WRAP73: variants seen among roughly 807,000 people sequenced by gnomAD.
The protein encoded by WRAP73 is WD repeat-containing protein WRAP73.
In WRAP73, 55 loss-of-function variants were observed where a neutral mutation model predicts 59.6. The observed-to-expected ratio is 0.92, with a 90% confidence interval of 0.74 to 1.15. The LOEUF is 1.15. Among genes scored for constraint, WRAP73 ranks in the 50% most tolerant of loss-of-function variants. The probability of loss-of-function intolerance (pLI) is 0.00; values close to 1 mark genes in which losing one functional copy is unlikely to be tolerated. For synonymous variants in WRAP73, 265 were observed against 258.2 expected (o/e 1.03, Z -0.25); for missense variants, 592 against 608.1 (o/e 0.97, Z 0.28).
intron 5 of WRAP73, chr1:3,636,604 CT>C: frequency 2.8e-6 from 1 of 362,478 alleles, no homozygotes; most frequent in South Asian, 2.1e-5. Context: ...GTTCATATGT[CT>C]GCTGTGGGGG....
intron 3 of WRAP73, 53 bp from the exon 4 acceptor site, chr1:3,638,875 G>T (rs1179094830): frequency 3.1e-5 from 50 of 1,602,248 alleles, no homozygotes; most frequent in Non-Finnish European, 3.9e-5. Flanking sequence ...CATCATCAGA[G>T]ACCGTCTCAA....
intron 3 of WRAP73, among the ~76,000 whole-genome samples, chr1:3,642,170 G>C (rs1270197772): frequency 3.3e-5 from 5 of 152,298 alleles, no homozygotes; most frequent in South Asian, 2.1e-4. Flanking sequence ...GAAGGATTGC[G>C]TGAGTTTAGG....
chr1:3,639,920 G>A lies in WRAP73; in HGVS notation c.340-1098C>T, dbSNP rs145718833. Among the ~76,000 whole-genome samples the A allele has an allele frequency of 7.9e-4, 120 of 152,322 alleles. No individual in the cohort carries two copies. Among genetic ancestry groups the A allele is most frequent in the African/African-American group, 2.6e-3 (107 of 41,576 alleles). The stretch of plus-strand genomic sequence containing the variant: ...CCAGCAGCGTAAGTGGGGCCGCAGC[G>A]TGTGGGGCACAGCATGTCCACAGTG... On this transcript the variant is annotated intron_variant, in intron 3 of 11. Transcript: ENST00000270708. The surrounding 1 kb of genome is among the most constrained non-coding windows in gnomAD (Gnocchi z 4.3).
intron 3 of WRAP73, among the ~76,000 whole-genome samples, chr1:3,643,548 G>C (rs916862924): frequency 6.6e-5 from 10 of 152,232 alleles, no homozygotes; most frequent in Admixed American, 5.2e-4. Flanking sequence ...GCCTTCGCAA[G>C]TGGACTCAGC....
chr1:3,650,028 G>C lies in WRAP73; in HGVS notation c.-29C>G. The C allele has an allele frequency of 6.3e-7, 1 of 1,576,624 alleles. No individual in the cohort carries two copies. Among genetic ancestry groups the C allele is most frequent in the Non-Finnish European group, 8.6e-7 (1 of 1,164,210 alleles). On this transcript the variant is annotated 5_prime_UTR_variant, in exon 1 of 12. Transcript: ENST00000270708. ...CGCCGCCTGCCGCGGGCGCCACCCT[G>C]CGCCCGAAAACCCGCGGGACCCCTG...
At chr1:3,631,700 C>G in intron 10 of WRAP73, 43 bp from the exon 11 acceptor site, 1 of 1,556,988 alleles carries the variant, frequency 6.4e-7, no homozygotes, top group Non-Finnish European at 8.7e-7. Flanking sequence ...CCCTGCCTGG[C>G]TCCTCTGTGT....
intron 8 of WRAP73, 49 bp downstream of exon 8, chr1:3,634,948 C>T (rs997398198): frequency 1.5e-5 from 24 of 1,599,350 alleles, no homozygotes; most frequent in African/African-American, 4.0e-5. Context: ...AGTTTCCCAC[C>T]GCCCTCCCCA....
At position 3,631,595 on chromosome 1, in the gene WRAP73, C is replaced by T. The variant is rs769206627; in HGVS notation, c.1111G>A (p.Glu371Lys). 8.7e-6 allele frequency: 14 copies of T among 1,607,132 alleles called. No individual in the cohort carries two copies. Among genetic ancestry groups the T allele is most frequent in the East Asian group, 4.5e-5 (2 of 44,882 alleles). The change falls in exon 11 of 12, where the codon GAG (glutamate) becomes AAG (lysine). Residue 371 changes from glutamate to lysine, a missense_variant. Physicochemically the swap from Glu to Lys is moderately conservative, Grantham distance 56. Transcript: ENST00000270708. Reference protein sequence around the residue: ...IQKLRLFAVLEQLSPVRAFQW... With the variant: ...IQKLRLFAVLKQLSPVRAFQW... Reference sequence around the variant, plus strand: ...AATGCGCGCACTGGGGACAGCTGCTCGAGCACCGCGAACAGCCTCAGCTTC... The same window carrying T: ...AATGCGCGCACTGGGGACAGCTGCTTGAGCACCGCGAACAGCCTCAGCTTC...
intron 3 of WRAP73, among the ~76,000 whole-genome samples, chr1:3,645,949 G>A (rs1191081674): frequency 6.6e-6 from 1 of 152,184 alleles, no homozygotes; most frequent in Non-Finnish European, 1.5e-5. Context: ...TTCTATCGTT[G>A]AATTAAAGGG....
At chr1:3,634,764 C>T in intron 8 of WRAP73, 1 of 555,762 alleles carries the variant, frequency 1.8e-6, no homozygotes, top group Non-Finnish European at 3.2e-6. Flanking sequence ...GGGGTGGCAG[C>T]GGCAGAGGAC....
intron 3 of WRAP73, among the ~76,000 whole-genome samples, chr1:3,645,074 G>C (rs1488201441): frequency 6.6e-6 from 1 of 152,166 alleles, no homozygotes; most frequent in African/African-American, 2.4e-5. Context: ...CTTATTCTCT[G>C]ACAGCCCATA....
Position 3,646,860 on chromosome 1 carries a change from G to A in WRAP73, c.223-78C>T, listed in dbSNP as rs1644696883. ...GACAGCGAGGACAGCTCGCTTAAAC[G>A]CAGCGGAGACCCGACCGCACAGGGT... is the stretch of plus-strand genomic sequence containing the variant. On this transcript the variant is annotated intron_variant, in intron 2 of 11. Transcript: ENST00000270708. This position sits in a 1 kb window ranked among gnomAD's most constrained non-coding sequence, Gnocchi z 5.1. 15 of 1,319,626 alleles carry A rather than the reference G, an allele frequency of 1.1e-5. No individual in the cohort carries two copies. The East Asian group carries it at 1.9e-4, about 16-fold the overall frequency. 81.7% of individuals were successfully genotyped at this position (1,319,626 alleles called of 1,614,324 possible). A position where few individuals can be genotyped will look rare whatever the true frequency, so the allele number is the denominator to read the frequency against.
Position 3,631,058 on chromosome 1 carries a change from TGAGGAGGGC to T in WRAP73, c.1291_1299del (p.Ala431_Leu433del). 6.2e-7 allele frequency: 1 copy of T among 1,613,294 alleles called. No individual in the cohort carries two copies. Among genetic ancestry groups the T allele is most frequent in the Non-Finnish European group, 8.5e-7 (1 of 1,180,022 alleles). On this transcript the variant is annotated inframe_deletion, in exon 12 of 12. Coordinates refer to ENST00000270708, the MANE Select transcript of WRAP73 (RefSeq NM_017818.4). ...AAGCAGAGGCAGAAGTGATCCTTGC[TGAGGAGGGC>T]CATCGAGTCTCCGCTTAAATGCCAG...
rs370260921 is a variant in WRAP73 at position 3,650,034 on chromosome 1, G to A, written c.-35C>T. 1.2e-5 allele frequency: 18 copies of A among 1,564,376 alleles called. No individual in the cohort carries two copies. The African/African-American group carries it at 2.1e-4, about 18-fold the overall frequency. ...CTGCCGCGGGCGCCACCCTGCGCCC[G>A]AAAACCCGCGGGACCCCTGGGCGCG... On this transcript the variant is annotated 5_prime_UTR_variant, in exon 1 of 12. Coordinates refer to ENST00000270708, the MANE Select transcript of WRAP73 (RefSeq NM_017818.4).
chr1:3,633,827 G>A (rs1644563965), intron 8 of WRAP73: 1 of 268,202 alleles, frequency 3.7e-6, no homozygotes. Flanking sequence ...CGTGATAAGA[G>A]GATACAGAGA....
chr1:3,638,684 C>T (rs1644610523), intron 4 of WRAP73, 66 bp downstream of exon 4: 1 of 1,588,068 alleles, frequency 6.3e-7, no homozygotes, highest in South Asian at 1.1e-5. Flanking sequence ...CTCTTTGAAA[C>T]TTCCCGTGAC....
Position 3,646,640 on chromosome 1 carries a change from T to G in WRAP73, c.339+26A>C. On this transcript the variant is annotated intron_variant, in intron 3 of 11. Transcript: ENST00000270708. The surrounding 1 kb of genome is among the most constrained non-coding windows in gnomAD (Gnocchi z 5.1). ...GCAGAGGACAGGATCACATGGCCAGTAAGGTGTCTTGGGGCTGACACTTAC... is the reference window on the plus strand; with the variant it reads ...GCAGAGGACAGGATCACATGGCCAGGAAGGTGTCTTGGGGCTGACACTTAC... 1 of 1,568,936 alleles carries G rather than the reference T, an allele frequency of 6.4e-7. No individual in the cohort carries two copies. The highest frequency in any genetic ancestry group is 8.7e-7 in the Non-Finnish European group (1 of 1,146,962).
rs12038064 is a variant in WRAP73 at position 3,639,108 on chromosome 1, C to T, written c.340-286G>A. On this transcript the variant is annotated intron_variant, in intron 3 of 11. Coordinates refer to ENST00000270708, the MANE Select transcript of WRAP73 (RefSeq NM_017818.4). This position sits in a 1 kb window ranked among gnomAD's most constrained non-coding sequence, Gnocchi z 4.3. ...TTTTTCATTAGCTTTTTCAAAGTGA[C>T]CATAGGTTGCATGTTATAATAACCC... is the stretch of plus-strand genomic sequence containing the variant. 0.21 allele frequency: 85,549 copies of T among 412,454 alleles called. 9,898 individuals are homozygous for T. The highest frequency in any genetic ancestry group is 0.34 in the East Asian group (6,920 of 20,300). The allele number at this position is 412,454 out of a possible 1,614,324, so 25.5% of individuals were successfully genotyped here.
intron 3 of WRAP73, among the ~76,000 whole-genome samples, chr1:3,643,298 A>G (rs900126431): frequency 6.6e-6 from 1 of 152,240 alleles, no homozygotes; most frequent in African/African-American, 2.4e-5. Flanking sequence ...GAGACTCAAG[A>G]ACAGTGAGGA....
Sources: allele counts gnomAD v4.1 joint callset (sites outside exome capture counted in the v4.1 genomes callset), GRCh38; gene constraint gnomAD v4.1.1; non-coding constraint Gnocchi (gnomAD v3.1); transcripts MANE v1.5; gene names NCBI Gene and HGNC (gene_info 2026-07-23, HGNC 2026-07-21).